The following RYR2 variants were observed in gnomAD, a reference collection of about 807,000 sequenced individuals.
The protein encoded by RYR2 is ryanodine receptor 2, also known as cardiac muscle ryanodine receptor-calcium release channel.
In RYR2, 227 loss-of-function variants were observed where a neutral mutation model predicts 601.1. The observed-to-expected ratio is 0.38, with a 90% CI of 0.34 to 0.42. The LOEUF (loss-of-function observed/expected upper bound fraction) is 0.42, where lower values mean the gene tolerates loss of function less well. RYR2 is among the 10% of genes least tolerant of loss of function. The pLI is 1.00. For missense variants in RYR2, 4,646 were observed against 6,156.5 expected, an observed-to-expected ratio of 0.75 and a Z score of 8.21; for synonymous variants, 2,223 against 2,175.1, an observed-to-expected ratio of 1.02 and a Z score of -0.61.
intron 1 of RYR2, among the ~76,000 whole-genome samples, chr1:237,066,420 C>T (rs1468740683): frequency 1.3e-5 from 2 of 152,150 alleles, no homozygotes; most frequent in East Asian, 3.9e-4. Context: ...TAAAGAATTG[C>T]AGTATTTTCC....
intron 1 of RYR2, among the ~76,000 whole-genome samples, chr1:237,232,798 A>C (rs1319969701): frequency 1.3e-5 from 2 of 152,208 alleles, no homozygotes; most frequent in Non-Finnish European, 2.9e-5. Flanking sequence ...TGTCTGCTGC[A>C]GAACTGATTG....
Position 237,590,817 on chromosome 1 carries a change from G to T in RYR2, c.3985G>T (p.Gly1329Trp). ...AGGGCTCCCTGGGGCTGGCCTTTTT[G>T]GGCCCAAGAATGACTTGGAAGATTA... ...AGGLPGAGLF[G>W]PKNDLEDYDA... The change falls in exon 31 of 105, where the codon GGG (glycine) becomes TGG (tryptophan). Residue 1329 changes from glycine to tryptophan, a missense_variant. Around this residue, in one of 17 missense-constraint regions of RYR2, gnomAD observed 1,807 missense variants for 2,088.1 expected, o/e 0.87. Coordinates refer to ENST00000366574, the MANE Select transcript of RYR2 (RefSeq NM_001035.3). 6.2e-7 allele frequency: 1 copy of T among 1,613,786 alleles called. No homozygotes were observed. The highest frequency in any genetic ancestry group is 1.1e-5 in the South Asian group (1 of 91,070).
chr1:237,317,736 G>T lies in RYR2; in HGVS notation c.169-13142G>T, dbSNP rs1695246876. ...CCTAATTTCACTTTCAATAATAACAGTTCTTGTCTAAAAATCTTTTTTGTG... is the reference window on the plus strand; with the variant it reads ...CCTAATTTCACTTTCAATAATAACATTTCTTGTCTAAAAATCTTTTTTGTG... On this transcript the variant is annotated intron_variant, in intron 2 of 104. Transcript: ENST00000366574. Among the ~76,000 whole-genome samples, 6 of 151,398 alleles carry T rather than the reference G, an allele frequency of 4.0e-5. 1 individual carries two copies. The South Asian group carries it at 1.0e-3, about 26-fold the overall frequency.
chr1:237,627,780 T>TA, intron 40 of RYR2, 27 bp from the exon 41 acceptor site: 1 of 1,544,622 alleles, frequency 6.5e-7, no homozygotes, highest in Middle Eastern at 1.7e-4. Context: ...ATTTTTCTTT[T>TA]AAAAAATATC....
At chr1:237,815,994 G>T (rs1047536814) in intron 100 of RYR2, among the ~76,000 whole-genome samples, 2 of 152,160 alleles carry the variant, frequency 1.3e-5, no homozygotes, top group Non-Finnish European at 2.9e-5. Context: ...GGAACTGATG[G>T]ATGATCAGTT....
chr1:237,111,121 GT>G (rs888747874), intron 1 of RYR2, among the ~76,000 whole-genome samples: 31 of 152,296 alleles, frequency 2.0e-4, no homozygotes, highest in African/African-American at 7.2e-4. Context: ...TATCTGTTTG[GT>G]AACATTGTTG....
At chr1:237,538,546 C>T (rs1002485356) in intron 25 of RYR2, among the ~76,000 whole-genome samples, 4 of 150,684 alleles carry the variant, frequency 2.7e-5, no homozygotes, top group South Asian at 2.1e-4. Flanking sequence ...CCAACGCAGG[C>T]GGATCACTTG....
rs1707735659 is a variant in RYR2 at position 237,439,812 on chromosome 1, A to T, written c.1006-1507A>T. On this transcript the variant is annotated intron_variant, in intron 12 of 104. Transcript: ENST00000366574. Reference sequence around the variant, plus strand: ...CCATAAATAGTCTAGACACAAACCAATTTGCTTGAAGAAAAGACCAAAAAA... The same window carrying T: ...CCATAAATAGTCTAGACACAAACCATTTTGCTTGAAGAAAAGACCAAAAAA... Among the ~76,000 whole-genome samples the T allele has an allele frequency of 2.2e-5, 3 of 136,570 alleles. No individual in the cohort carries two copies. In the Admixed American group the frequency reaches 2.2e-4, roughly 10 times the overall value. 89.6% of individuals were successfully genotyped at this position (136,570 alleles called of 152,430 possible). A position where few individuals can be genotyped will look rare whatever the true frequency, so the allele number is the denominator to read the frequency against.
At chr1:237,698,330 A>T (rs1041604242) in intron 63 of RYR2, among the ~76,000 whole-genome samples, 1 of 152,246 alleles carries the variant, frequency 6.6e-6, no homozygotes, top group Non-Finnish European at 1.5e-5. Context: ...AGTGAATTTT[A>T]TATTACTTTC....
chr1:237,533,003 CAGAT>C (rs1376518575), intron 25 of RYR2, among the ~76,000 whole-genome samples: 1 of 151,968 alleles, frequency 6.6e-6, no homozygotes, highest in Non-Finnish European at 1.5e-5. Context: ...AGATGATAGA[CAGAT>C]AGATGGATGG....
chr1:237,658,134 T>A, intron 54 of RYR2, 112 bp downstream of exon 54: 1 of 506,964 alleles, frequency 2.0e-6, no homozygotes, highest in African/African-American at 2.0e-5. Context: ...TGATCTAAAT[T>A]AGGAAAAAAT....
Position 237,669,066 on chromosome 1 carries a change from G to T in RYR2, c.8590+1108G>T, listed in dbSNP as rs536217378. Among the ~76,000 whole-genome samples, 977 of 150,126 alleles carry T rather than the reference G, an allele frequency of 6.5e-3. 10 individuals carry two copies. Among genetic ancestry groups the T allele is most frequent in the African/African-American group, 0.022 (905 of 41,230 alleles). On this transcript the variant is annotated intron_variant, in intron 58 of 104. Transcript: ENST00000366574. ...GTCCCTGGGTACTTGAGATTAGGGA[G>T]TGGTGATGACTCTTAACGAGCATGC...
intron 1 of RYR2, among the ~76,000 whole-genome samples, chr1:237,148,491 G>T (rs1674260112): frequency 7.5e-6 from 1 of 133,470 alleles, no homozygotes. Context: ...TGTGCATTCT[G>T]CACATGTATC....
At chr1:237,782,775 T>G (rs1421245779) in intron 89 of RYR2, among the ~76,000 whole-genome samples, 1 of 152,156 alleles carries the variant, frequency 6.6e-6, no homozygotes, top group Non-Finnish European at 1.5e-5. Context: ...AGTTTATCAG[T>G]TCAATGGTAA....
At chr1:237,783,075 C>T (rs915268383) in intron 89 of RYR2, among the ~76,000 whole-genome samples, 7 of 152,230 alleles carry the variant, frequency 4.6e-5, no homozygotes, top group African/African-American at 1.7e-4. Context: ...ACTATACACA[C>T]TGACTCATGA....
chr1:237,457,757 C>G lies in RYR2; in HGVS notation c.1612+1022C>G, dbSNP rs77269092. On this transcript the variant is annotated intron_variant, in intron 16 of 104. Transcript: ENST00000366574. Reference sequence around the variant, plus strand: ...AAAAGATTTCCTGAAACAAAGCCTTCCAATGACAAATTTGCAAGATGTGCA... The same window carrying G: ...AAAAGATTTCCTGAAACAAAGCCTTGCAATGACAAATTTGCAAGATGTGCA... Among the ~76,000 whole-genome samples, 636 of 152,246 alleles carry G rather than the reference C, an allele frequency of 4.2e-3. 9 individuals carry two copies. The highest frequency in any genetic ancestry group is 0.014 in the African/African-American group (597 of 41,550).
At chr1:237,542,723 T>C (rs1669435747) in intron 25 of RYR2, among the ~76,000 whole-genome samples, 1 of 152,178 alleles carries the variant, frequency 6.6e-6, no homozygotes, top group Admixed American at 6.5e-5. Context: ...GCTTGGAGAT[T>C]GCAGCCTATT....
chr1:237,483,727 T>G (rs911324044), intron 17 of RYR2, among the ~76,000 whole-genome samples: 1 of 152,192 alleles, frequency 6.6e-6, no homozygotes, highest in Non-Finnish European at 1.5e-5. Flanking sequence ...ATTTCCCAGT[T>G]TACTTCCCCA....
In RYR2 at chr1:237,445,458, C is replaced by A; in HGVS notation, c.1228C>A (p.His410Asn). The change falls in exon 14 of 105, where the codon CAT (histidine) becomes AAT (asparagine). Residue 410 changes from histidine (H) to asparagine (N), a missense_variant. Physicochemically the swap from His to Asn is moderately conservative, Grantham distance 68. This residue lies in a region of RYR2 where 1,807 missense variants were observed against 2,088.1 expected (regional missense o/e 0.87). Transcript: ENST00000366574. The part of the protein sequence containing the change: ...DDGISLSRSQ[H>N]EESRTARVIR... ...TGGCATAAGTTTGTCGAGATCCCAG[C>A]ATGAAGAATCACGCACAGCCCGAGT... 6.2e-7 allele frequency: 1 copy of A among 1,613,768 alleles called. No individual in the cohort carries two copies. The highest frequency in any genetic ancestry group is 8.5e-7 in the Non-Finnish European group (1 of 1,179,742).
Sources: allele counts gnomAD v4.1 joint callset (sites outside exome capture counted in the v4.1 genomes callset), GRCh38; gene constraint gnomAD v4.1.1; regional missense constraint gnomAD v4.1.1; transcripts MANE v1.5; gene names NCBI Gene and HGNC (gene_info 2026-07-23, HGNC 2026-07-21).